Variants in SPAG16 observed in about 807,000 individuals in gnomAD.
SPAG16 encodes the protein sperm-associated antigen 16 protein.
Under a neutral mutation model 80.4 loss-of-function variants are expected in SPAG16, and 86 were observed. That is an observed-to-expected ratio of 1.07 (90% CI 0.90 to 1.28). SPAG16 has a LOEUF of 1.28. SPAG16 is among the 50% of genes most tolerant of loss of function. SPAG16 has a pLI of 0.00. For synonymous variants in SPAG16, 294 were observed against 265.9 expected, an observed-to-expected ratio of 1.11 and a Z score of -1.03; for missense variants, 870 against 765.3, an observed-to-expected ratio of 1.14 and a Z score of -1.61.
chr2:213,476,647 T>A (rs1266795907), intron 9 of SPAG16, among the ~76,000 whole-genome samples: 1 of 151,750 alleles, frequency 6.6e-6, no homozygotes, highest in Non-Finnish European at 1.5e-5. Flanking sequence ...CCAGAAATGT[T>A]GTGGCATTTT....
intron 10 of SPAG16, among the ~76,000 whole-genome samples, chr2:213,817,569 C>T (rs1225795634): frequency 5.3e-5 from 8 of 151,870 alleles, no homozygotes; most frequent in Non-Finnish European, 1.0e-4. Context: ...ATAGGAAAGA[C>T]ATAGAATCAA....
chr2:213,601,899 A>G (rs986202217), intron 10 of SPAG16, among the ~76,000 whole-genome samples: 2 of 152,306 alleles, frequency 1.3e-5, no homozygotes, highest in African/African-American at 4.8e-5. Flanking sequence ...TCCATGAACC[A>G]GGGTCAGGGT....
At chr2:213,870,797 C>T (rs887418980) in intron 11 of SPAG16, among the ~76,000 whole-genome samples, 3 of 152,102 alleles carry the variant, frequency 2.0e-5, no homozygotes, top group African/African-American at 7.2e-5. Flanking sequence ...AGTCTATTGG[C>T]CTGTCTCTCT....
intron 9 of SPAG16, among the ~76,000 whole-genome samples, chr2:213,375,406 A>T (rs1012537682): frequency 3.3e-5 from 5 of 151,912 alleles, no homozygotes; most frequent in African/African-American, 7.3e-5. Context: ...TCTGCTTGAA[A>T]CTACCTCTGT....
At chr2:214,350,321 T>C (rs1698313974) in intron 15 of SPAG16, among the ~76,000 whole-genome samples, 3 of 152,250 alleles carry the variant, frequency 2.0e-5, no homozygotes, top group Admixed American at 6.5e-5. Context: ...GACACTTTGA[T>C]ATTGTCCCAC....
chr2:214,199,230 G>T (rs2057942302), intron 15 of SPAG16, among the ~76,000 whole-genome samples: 1 of 152,078 alleles, frequency 6.6e-6, no homozygotes. Context: ...AAGTTTTATG[G>T]TTTCAGGTTT....
intron 13 of SPAG16, among the ~76,000 whole-genome samples, chr2:214,016,290 G>T (rs954789984): frequency 6.6e-6 from 1 of 152,160 alleles, no homozygotes; most frequent in Non-Finnish European, 1.5e-5. Flanking sequence ...AGGAAGCAAA[G>T]TCACGTCATA....
intron 15 of SPAG16, among the ~76,000 whole-genome samples, chr2:214,277,537 T>A (rs1692563760): frequency 6.6e-6 from 1 of 152,210 alleles, no homozygotes; most frequent in Admixed American, 6.5e-5. Context: ...CTTCTGACAG[T>A]CAGGTCCCTC....
intron 13 of SPAG16, among the ~76,000 whole-genome samples, chr2:214,080,623 TTAAAA>T (rs998654920): frequency 8.2e-5 from 12 of 146,404 alleles, no homozygotes; most frequent in Non-Finnish European, 1.8e-4. Context: ...AAAAAAAAAA[TTAAAA>T]TAAAATAAAA....
At chr2:213,364,195 C>A in intron 8 of SPAG16, 50 bp downstream of exon 8, 1 of 1,117,458 alleles carries the variant, frequency 8.9e-7, no homozygotes, top group Non-Finnish European at 1.2e-6. Context: ...TTGGTGATTT[C>A]TCAACCTTAT....
chr2:213,551,987 C>T (rs571420079), intron 10 of SPAG16, among the ~76,000 whole-genome samples: 55 of 152,172 alleles, frequency 3.6e-4, no homozygotes, highest in African/African-American at 1.2e-3. Context: ...TCTAAATCTG[C>T]CTCCATTCAT....
intron 8 of SPAG16, among the ~76,000 whole-genome samples, chr2:213,372,769 T>A (rs1318332267): frequency 6.6e-6 from 1 of 152,114 alleles, no homozygotes; most frequent in Admixed American, 6.6e-5. Flanking sequence ...AATTCTCTTT[T>A]CAGTTTTGTT....
intron 10 of SPAG16, among the ~76,000 whole-genome samples, chr2:213,853,611 C>T (rs922798858): frequency 2.0e-5 from 3 of 152,102 alleles, no homozygotes; most frequent in Non-Finnish European, 4.4e-5. Context: ...TGTTCCTGTA[C>T]GATTTTCACC....
chr2:213,919,681 T>C (rs1416484965), intron 11 of SPAG16, among the ~76,000 whole-genome samples: 1 of 152,248 alleles, frequency 6.6e-6, no homozygotes. Flanking sequence ...ATAGTTCTCT[T>C]GCATTTGCTG....
At chr2:213,353,027 G>T (rs1027311733) in intron 7 of SPAG16, among the ~76,000 whole-genome samples, 1 of 152,098 alleles carries the variant, frequency 6.6e-6, no homozygotes, top group Non-Finnish European at 1.5e-5. Flanking sequence ...TTCCCCAGAT[G>T]GTTCCTAGTA....
At chr2:214,406,995 T>A (rs1268609378) in intron 15 of SPAG16, among the ~76,000 whole-genome samples, 1 of 152,122 alleles carries the variant, frequency 6.6e-6, no homozygotes, top group African/African-American at 2.4e-5. Flanking sequence ...ATCAATCTTC[T>A]CCCTAGACTG....
chr2:213,490,312 A>G (rs935707557), intron 10 of SPAG16, among the ~76,000 whole-genome samples: 6 of 152,146 alleles, frequency 3.9e-5, no homozygotes, highest in African/African-American at 9.7e-5. Context: ...TGTGTATTTT[A>G]TTGTAGAGGT....
chr2:214,027,129 C>T (rs2048172185), intron 13 of SPAG16, among the ~76,000 whole-genome samples: 1 of 151,390 alleles, frequency 6.6e-6, no homozygotes, highest in South Asian at 2.1e-4. Context: ...CTTAGAAACA[C>T]ACCCTTAAAA....
intron 15 of SPAG16, among the ~76,000 whole-genome samples, chr2:214,332,284 C>T (rs1300000993): frequency 6.6e-6 from 1 of 152,166 alleles, no homozygotes; most frequent in Non-Finnish European, 1.5e-5. Flanking sequence ...CATTTTGTCA[C>T]AATGTTGCTT....
Sources: gnomAD v4.1 joint callset for allele counts (sites outside exome capture counted in the v4.1 genomes callset) on GRCh38, gnomAD v4.1.1 for gene constraint, MANE v1.5 for transcripts, NCBI Gene and HGNC (gene_info 2026-07-23, HGNC 2026-07-21) for gene names.